Variants in PAM observed in about 807,000 individuals in gnomAD.
PAM encodes the protein peptidylglycine alpha-amidating monooxygenase.
PAM carries 72 observed loss-of-function variants against 122.1 expected under a neutral mutation model. The ratio of observed to expected loss-of-function variants is 0.59; its 90% CI spans 0.49 to 0.72. PAM has a LOEUF of 0.72. Among genes scored for constraint, PAM ranks in the 30% least tolerant of loss-of-function variants. PAM has a pLI of 0.00. For synonymous variants in PAM, 389 were observed against 404.4 expected (o/e 0.96, Z 0.46); for missense variants, 1,106 against 1,183.7 (o/e 0.93, Z 0.96).
intron 15 of PAM, among the ~76,000 whole-genome samples, chr5:102,980,088 TATGTTCTCAAC>T (rs1769246681): frequency 6.6e-6 from 1 of 152,120 alleles, no homozygotes; most frequent in South Asian, 2.1e-4. Context: ...TTTCCAGTAA[TATGTTCTCAAC>T]ATGTTCTCAA....
intron 15 of PAM, chr5:102,990,046 A>C (rs1203930630): frequency 9.5e-6 from 3 of 314,648 alleles, no homozygotes; most frequent in Non-Finnish European, 1.7e-5. Flanking sequence ...ATCTTATCAA[A>C]AGGAGAAGAA....
intron 3 of PAM, chr5:102,873,344 A>T (rs1788126945): frequency 6.6e-6 from 1 of 152,212 alleles, no homozygotes; most frequent in African/African-American, 2.4e-5. Context: ...GAAAACCAAC[A>T]GCCTTTTGGG....
chr5:102,943,598 T>C (rs147087578), intron 7 of PAM, among the ~76,000 whole-genome samples: 1 of 152,306 alleles, frequency 6.6e-6, no homozygotes, highest in Non-Finnish European at 1.5e-5. Context: ...TAAACATTAA[T>C]ATTAGAGAAT....
At chr5:102,816,109 G>C (rs1010327508) in intron 1 of PAM, among the ~76,000 whole-genome samples, 1 of 152,096 alleles carries the variant, frequency 6.6e-6, no homozygotes, top group Admixed American at 6.6e-5. Flanking sequence ...TATGCCTCCT[G>C]ACAGCCAGTA....
chr5:102,887,568 G>C (rs903137253), intron 3 of PAM, among the ~76,000 whole-genome samples: 2 of 151,970 alleles, frequency 1.3e-5, no homozygotes, highest in African/African-American at 4.8e-5. Flanking sequence ...TAGGCAGTTA[G>C]ACTTCAAAGA....
At chr5:102,932,359 G>A (rs1015440224) in intron 7 of PAM, among the ~76,000 whole-genome samples, 1 of 151,960 alleles carries the variant, frequency 6.6e-6, no homozygotes, top group Admixed American at 6.6e-5. Flanking sequence ...GTCGTGGTGT[G>A]TGCCTGTAAT....
intron 1 of PAM, among the ~76,000 whole-genome samples, chr5:102,861,431 CTGAT>C (rs1201997236): frequency 6.6e-6 from 1 of 152,170 alleles, no homozygotes. Context: ...AAAACAAACA[CTGAT>C]TGAGAGGCAT....
intron 3 of PAM, among the ~76,000 whole-genome samples, chr5:102,883,926 A>C (rs1792147133): frequency 6.6e-6 from 1 of 151,802 alleles, no homozygotes; most frequent in Admixed American, 6.6e-5. Context: ...ATATAAAGGG[A>C]TGTTGGATTT....
chr5:102,882,449 T>C (rs1298212902), intron 3 of PAM, among the ~76,000 whole-genome samples: 1 of 152,012 alleles, frequency 6.6e-6, no homozygotes, highest in Non-Finnish European at 1.5e-5. Flanking sequence ...CACATTGTGA[T>C]ATTGATTTGC....
At chr5:102,966,313 A>T (rs1256606576) in intron 14 of PAM, among the ~76,000 whole-genome samples, 2 of 152,130 alleles carry the variant, frequency 1.3e-5, no homozygotes, top group Admixed American at 6.6e-5. Context: ...GATGTGAATG[A>T]TCATTTATCA....
intron 1 of PAM, among the ~76,000 whole-genome samples, chr5:102,757,015 C>T (rs1324016011): frequency 6.6e-6 from 1 of 152,122 alleles, no homozygotes; most frequent in Non-Finnish European, 1.5e-5. Context: ...GTCAAGAATG[C>T]ATTATCAAAG....
Position 103,007,559 on chromosome 5 carries a change from G to T in PAM, c.2117G>T (p.Gly706Val), listed in dbSNP as rs538941587. ...GQLCVADRENGRIQCFKTDTK... is the reference protein window; with the variant it reads ...GQLCVADRENVRIQCFKTDTK... ...TTATGTGTGGCAGACCGGGAAAATG[G>T]TCGGATCCAGTGTTTTAAAACTGAC... Residue 706 changes from glycine to valine, a missense_variant, in exon 20 of 26, where the codon GGT (glycine) becomes GTT (valine). Physicochemically the swap from Gly to Val is moderately radical, Grantham distance 109. This residue lies in a region of PAM where 333 missense variants were observed against 335.6 expected (regional missense o/e 0.99). Coordinates refer to ENST00000438793, the MANE Select transcript of PAM (RefSeq NM_001177306.2). 2 of 1,613,910 alleles carry T rather than the reference G, an allele frequency of 1.2e-6. No homozygotes were observed. The highest frequency in any genetic ancestry group is 2.2e-5 in the South Asian group (2 of 91,084).
intron 16 of PAM, among the ~76,000 whole-genome samples, chr5:103,001,553 G>A (rs1387886983): frequency 6.6e-6 from 1 of 152,040 alleles, no homozygotes; most frequent in African/African-American, 2.4e-5. Context: ...TGACAAAGCT[G>A]AATCAATATT....
At chr5:102,759,489 G>A (rs1751690618) in intron 1 of PAM, among the ~76,000 whole-genome samples, 1 of 152,200 alleles carries the variant, frequency 6.6e-6, no homozygotes, top group South Asian at 2.1e-4. Flanking sequence ...TTTCAGCCAA[G>A]TATTGTCAGG....
chr5:102,974,947 CATT>C (rs1767124010), intron 15 of PAM: 2 of 152,258 alleles, frequency 1.3e-5, no homozygotes, highest in South Asian at 4.2e-4. Context: ...TCTTAAGTTT[CATT>C]ATAAATTACA....
chr5:102,822,155 G>A (rs1772162992), intron 1 of PAM, among the ~76,000 whole-genome samples: 1 of 152,148 alleles, frequency 6.6e-6, no homozygotes, highest in African/African-American at 2.4e-5. Flanking sequence ...TAACGATTAT[G>A]GCCGGCCCCC....
chr5:102,777,509 A>G (rs1757479185), intron 1 of PAM, among the ~76,000 whole-genome samples: 1 of 152,134 alleles, frequency 6.6e-6, no homozygotes, highest in Admixed American at 6.6e-5. Flanking sequence ...TTCTAGTAAA[A>G]TCAAGTATTT....
Position 102,779,238 on chromosome 5 carries a change from G to GTA in PAM, c.-374+23902_-374+23903dup, listed in dbSNP as rs538248997. 6.2e-4 allele frequency among the ~76,000 whole-genome samples: 92 copies of GTA among 149,206 alleles called. 1 individual carries two copies. The highest frequency in any genetic ancestry group is 3.6e-3 in the South Asian group (17 of 4,696). On this transcript the variant is annotated intron_variant, in intron 1 of 25. Coordinates refer to ENST00000438793, the MANE Select transcript of PAM (RefSeq NM_001177306.2). ...TATATATGTGTGTGTATATATATGT[G>GTA]TATATATATATATGTATATATATAA...
intron 1 of PAM, among the ~76,000 whole-genome samples, chr5:102,810,070 T>C (rs1158948210): frequency 6.6e-6 from 1 of 151,568 alleles, no homozygotes; most frequent in Admixed American, 6.6e-5. Context: ...CACCTAATAC[T>C]TATGTTGGAA....
Sources: gnomAD v4.1 joint callset for allele counts (sites outside exome capture counted in the v4.1 genomes callset) on GRCh38, gnomAD v4.1.1 for gene constraint, gnomAD v4.1.1 regional missense constraint, MANE v1.5 for transcripts, NCBI Gene and HGNC (gene_info 2026-07-23, HGNC 2026-07-21) for gene names.